The following FBXL7 variants were observed in gnomAD, a reference collection of about 807,000 sequenced individuals.
The protein encoded by FBXL7 is F-box/LRR-repeat protein 7.
In FBXL7, 12 loss-of-function variants were observed where a neutral mutation model predicts 38.3. The ratio of observed to expected loss-of-function variants is 0.31; its 90% CI spans 0.20 to 0.51. FBXL7 has a LOEUF of 0.51. Ranked by LOEUF, FBXL7 falls within the 20% of genes least tolerant of loss-of-function variation. FBXL7 has a pLI of 0.98. For missense variants in FBXL7, 567 were observed against 676.4 expected (o/e 0.84, Z 1.79); for synonymous variants, 297 against 300.9 (o/e 0.99, Z 0.13).
At chr5:15,532,893 G>A (rs1441840839) in intron 1 of FBXL7, among the ~76,000 whole-genome samples, 1 of 152,250 alleles carries the variant, frequency 6.6e-6, no homozygotes, top group Non-Finnish European at 1.5e-5. Flanking sequence ...CAAATGGGAT[G>A]TCAGGATGAT....
chr5:15,823,280 T>C (rs1214643411), intron 2 of FBXL7, among the ~76,000 whole-genome samples: 1 of 152,224 alleles, frequency 6.6e-6, no homozygotes, highest in African/African-American at 2.4e-5. Context: ...GAATATCTAT[T>C]AGCAAATTCT....
chr5:15,801,013 T>C (rs1737550744), intron 2 of FBXL7, among the ~76,000 whole-genome samples: 1 of 152,158 alleles, frequency 6.6e-6, no homozygotes, highest in Admixed American at 6.5e-5. Flanking sequence ...GTTTGCAAAG[T>C]CAGGCAGGAC....
chr5:15,668,697 C>T (rs1224793618), intron 2 of FBXL7, among the ~76,000 whole-genome samples: 1 of 152,136 alleles, frequency 6.6e-6, no homozygotes, highest in Non-Finnish European at 1.5e-5. Context: ...GGCCTGCTAA[C>T]CTCCAGGCTT....
At chr5:15,868,167 A>G (rs1322112500) in intron 2 of FBXL7, among the ~76,000 whole-genome samples, 2 of 151,938 alleles carry the variant, frequency 1.3e-5, no homozygotes, top group East Asian at 1.9e-4. Flanking sequence ...GGTGTCCTCT[A>G]GAATCAGGGA....
chr5:15,555,217 C>CAG lies in FBXL7; in HGVS notation c.37+54505_37+54506insGA, dbSNP rs1561025600. Among the ~76,000 whole-genome samples the CAG allele has an allele frequency of 8.5e-4, 130 of 152,314 alleles. 1 individual carries two copies. Among genetic ancestry groups the CAG allele is most frequent in the African/African-American group, 2.6e-3 (108 of 41,582 alleles). On this transcript the variant is annotated intron_variant, in intron 1 of 3. Transcript: ENST00000504595. ...AGACACACAGACAGACAGACAGACA[C>CAG]ACACACCCCCCACAGAACATCCAGT...
intron 2 of FBXL7, among the ~76,000 whole-genome samples, chr5:15,825,897 C>G (rs1442157788): frequency 6.6e-6 from 1 of 152,114 alleles, no homozygotes; most frequent in East Asian, 1.9e-4. Context: ...TTTGATTTGC[C>G]CAAGTAAGAA....
intron 1 of FBXL7, among the ~76,000 whole-genome samples, chr5:15,530,629 G>T (rs1384005270): frequency 1.3e-5 from 2 of 152,076 alleles, no homozygotes; most frequent in Non-Finnish European, 1.5e-5. Context: ...ATCGTTTATT[G>T]TAGTGAAAAA....
At chr5:15,728,814 A>G (rs948862618) in intron 2 of FBXL7, among the ~76,000 whole-genome samples, 2 of 152,184 alleles carry the variant, frequency 1.3e-5, no homozygotes, top group South Asian at 2.1e-4. Context: ...AGGTAAGTCA[A>G]TTGAAATGAA....
Position 15,656,202 on chromosome 5 carries a change from G to T in FBXL7, c.127+40130G>T, listed in dbSNP as rs144478619. Among the ~76,000 whole-genome samples, 4 of 152,290 alleles carry T rather than the reference G, an allele frequency of 2.6e-5. No individual in the cohort carries two copies. In the East Asian group the frequency reaches 5.8e-4, roughly 22 times the overall value. On this transcript the variant is annotated intron_variant, in intron 2 of 3. Transcript: ENST00000504595. The stretch of plus-strand genomic sequence containing the variant: ...TTCACAATGCTTGCTAAAGCCTTAC[G>T]TGTTTAGGCCTAGTTCAAAATAAAC...
At chr5:15,598,543 G>GT (rs1214661441) in intron 1 of FBXL7, among the ~76,000 whole-genome samples, 1 of 152,144 alleles carries the variant, frequency 6.6e-6, no homozygotes, top group Non-Finnish European at 1.5e-5. Context: ...AAGTCCAGTG[G>GT]TAGGGTGGGT....
intron 1 of FBXL7, among the ~76,000 whole-genome samples, chr5:15,574,099 T>C (rs761440048): frequency 2.6e-5 from 4 of 152,212 alleles, no homozygotes; most frequent in Non-Finnish European, 5.9e-5. Flanking sequence ...TACCTGTCAT[T>C]ATTATTAATT....
chr5:15,729,984 G>A (rs749180301), intron 2 of FBXL7, among the ~76,000 whole-genome samples: 30 of 152,040 alleles, frequency 2.0e-4, no homozygotes, highest in Non-Finnish European at 2.9e-4. Context: ...ACATATGATC[G>A]AAGAATAAAA....
At chr5:15,887,138 A>G (rs1364812580) in intron 2 of FBXL7, among the ~76,000 whole-genome samples, 5 of 152,236 alleles carry the variant, frequency 3.3e-5, no homozygotes, top group African/African-American at 9.6e-5. Flanking sequence ...AAACAACAGA[A>G]TAGTCAAGGC....
At chr5:15,635,905 T>A (rs1273454476) in intron 2 of FBXL7, among the ~76,000 whole-genome samples, 1 of 135,016 alleles carries the variant, frequency 7.4e-6, no homozygotes, top group African/African-American at 2.8e-5. Flanking sequence ...TTCTGACCCA[T>A]TTTTAGCCTT....
chr5:15,510,463 A>G (rs545943304), intron 1 of FBXL7, among the ~76,000 whole-genome samples: 1 of 152,348 alleles, frequency 6.6e-6, no homozygotes, highest in African/African-American at 2.4e-5. Context: ...ATCTTGGTTA[A>G]GTCCAAGACC....
At chr5:15,873,054 A>G (rs567137188) in intron 2 of FBXL7, among the ~76,000 whole-genome samples, 9 of 152,232 alleles carry the variant, frequency 5.9e-5, no homozygotes, top group Non-Finnish European at 1.3e-4. Context: ...CGGCAAATGC[A>G]AAAGAATGGA....
chr5:15,745,882 TA>T (rs1293454020), intron 2 of FBXL7, among the ~76,000 whole-genome samples: 1 of 152,126 alleles, frequency 6.6e-6, no homozygotes, highest in Non-Finnish European at 1.5e-5. Flanking sequence ...TTTCTACTTT[TA>T]AAAAACCCAA....
At chr5:15,735,034 C>G (rs956454386) in intron 2 of FBXL7, among the ~76,000 whole-genome samples, 1 of 152,096 alleles carries the variant, frequency 6.6e-6, no homozygotes, top group African/African-American at 2.4e-5. Context: ...TGGGTTCAAG[C>G]GATTCTCCTG....
chr5:15,880,157 G>T (rs1740382014), intron 2 of FBXL7, among the ~76,000 whole-genome samples: 1 of 152,142 alleles, frequency 6.6e-6, no homozygotes, highest in South Asian at 2.1e-4. Context: ...GAAGTAGAGG[G>T]TGCTGCTGGT....
Sources: gnomAD v4.1 joint callset for allele counts (sites outside exome capture counted in the v4.1 genomes callset) on GRCh38, gnomAD v4.1.1 for gene constraint, MANE v1.5 for transcripts, NCBI Gene and HGNC (gene_info 2026-07-23, HGNC 2026-07-21) for gene names.